SMOC2: variants seen among roughly 807,000 people sequenced by gnomAD.
The protein encoded by SMOC2 is SPARC related modular calcium binding 2, also known as SPARC-related modular calcium-binding protein 2.
SMOC2 carries 39 observed loss-of-function variants against 61.4 expected under a neutral mutation model. The ratio of observed to expected loss-of-function variants is 0.64; its 90% CI spans 0.49 to 0.83. SMOC2 has a LOEUF of 0.83. SMOC2 is among the 40% of genes least tolerant of loss of function. The probability of loss-of-function intolerance (pLI) is 0.00; values close to 1 mark genes in which losing one functional copy is unlikely to be tolerated. For missense variants in SMOC2, 556 were observed against 592.9 expected (o/e 0.94, Z 0.65); for synonymous variants, 247 against 239.9 (o/e 1.03, Z -0.27).
At chr6:168,448,498 G>A (rs1327711322) in intron 1 of SMOC2, among the ~76,000 whole-genome samples, 4 of 150,358 alleles carry the variant, frequency 2.7e-5, no homozygotes, top group African/African-American at 7.4e-5. Flanking sequence ...GGAGGAGGAC[G>A]GGGATGGTGA....
intron 8 of SMOC2, among the ~76,000 whole-genome samples, chr6:168,602,605 G>C (rs1785579610): frequency 6.6e-6 from 1 of 152,188 alleles, no homozygotes; most frequent in Non-Finnish European, 1.5e-5. Context: ...GGCAGGACTA[G>C]GATTAGCCCC....
At chr6:168,484,951 A>G (rs1782295404) in intron 1 of SMOC2, among the ~76,000 whole-genome samples, 2 of 152,138 alleles carry the variant, frequency 1.3e-5, no homozygotes, top group Non-Finnish European at 2.9e-5. Flanking sequence ...GGAAGGGGAA[A>G]TGGGGAGGGA....
intron 1 of SMOC2, among the ~76,000 whole-genome samples, chr6:168,491,313 G>C (rs1782467262): frequency 6.6e-6 from 1 of 152,162 alleles, no homozygotes; most frequent in Non-Finnish European, 1.5e-5. Flanking sequence ...AACTCTCACA[G>C]GTGAAATTTT....
intron 9 of SMOC2, among the ~76,000 whole-genome samples, chr6:168,621,642 C>A (rs1274574413): frequency 6.6e-6 from 1 of 152,158 alleles, no homozygotes; most frequent in African/African-American, 2.4e-5. Flanking sequence ...GAAGGGAAAG[C>A]AAACATGTCC....
chr6:168,520,312 C>A (rs1783298717), intron 2 of SMOC2, among the ~76,000 whole-genome samples: 1 of 152,226 alleles, frequency 6.6e-6, no homozygotes, highest in Non-Finnish European at 1.5e-5. Flanking sequence ...TGTCTGCCTT[C>A]ATTTGATGCC....
intron 9 of SMOC2, among the ~76,000 whole-genome samples, chr6:168,644,162 A>G (rs1786964946): frequency 6.6e-6 from 1 of 152,244 alleles, no homozygotes; most frequent in Admixed American, 6.5e-5. Context: ...GAGTTTTCAA[A>G]TTCAGCAAAT....
intron 7 of SMOC2, among the ~76,000 whole-genome samples, chr6:168,581,067 A>G (rs1359512359): frequency 3.9e-5 from 6 of 152,202 alleles, no homozygotes; most frequent in African/African-American, 7.2e-5. Context: ...CCTGGTTTTT[A>G]TACCAAAAGT....
chr6:168,576,888 G>A (rs1039415950), intron 7 of SMOC2, among the ~76,000 whole-genome samples: 2 of 151,940 alleles, frequency 1.3e-5, no homozygotes, highest in Non-Finnish European at 2.9e-5. Context: ...ACATCTACAC[G>A]CAGGCATTTA....
chr6:168,645,011 T>A (rs150435202), intron 9 of SMOC2, among the ~76,000 whole-genome samples: 1,653 of 152,354 alleles, frequency 0.011, 15 homozygotes, highest in Middle Eastern at 0.024. Flanking sequence ...TTTGCTTTTA[T>A]ATAGTTTGAA....
intron 2 of SMOC2, among the ~76,000 whole-genome samples, chr6:168,511,811 G>GT (rs144317852): frequency 0.23 from 29,481 of 130,460 alleles, 4,166 homozygotes; most frequent in African/African-American, 0.32. Context: ...ATTATCAAGG[G>GT]TTGTTTTTTT....
At chr6:168,625,701 C>G (rs528390500) in intron 9 of SMOC2, among the ~76,000 whole-genome samples, 1 of 152,348 alleles carries the variant, frequency 6.6e-6, no homozygotes, top group Admixed American at 6.5e-5. Context: ...AGCCAAGTGC[C>G]TGTGTCCGTG....
chr6:168,474,919 T>C (rs774181630), intron 1 of SMOC2, among the ~76,000 whole-genome samples: 13 of 152,168 alleles, frequency 8.5e-5, no homozygotes, highest in Non-Finnish European at 1.6e-4. Flanking sequence ...TGGGGATGCA[T>C]TTGTGATTCC....
intron 3 of SMOC2, 23 bp downstream of exon 3, chr6:168,526,475 T>G: frequency 6.3e-7 from 1 of 1,599,216 alleles, no homozygotes; most frequent in Non-Finnish European, 8.6e-7. Flanking sequence ...GCTTGGGAGG[T>G]TCTGCACCTG....
intron 7 of SMOC2, among the ~76,000 whole-genome samples, chr6:168,586,389 G>A (rs1785047669): frequency 6.6e-6 from 1 of 152,086 alleles, no homozygotes; most frequent in Non-Finnish European, 1.5e-5. Flanking sequence ...CTAGATTACT[G>A]GCTTTATAAT....
intron 4 of SMOC2, among the ~76,000 whole-genome samples, chr6:168,530,439 C>T (rs1375827564): frequency 6.6e-6 from 1 of 151,936 alleles, no homozygotes; most frequent in Non-Finnish European, 1.5e-5. Context: ...TGAGACAATC[C>T]AGCAGAAAAA....
chr6:168,442,875 A>C (rs1414103042), intron 1 of SMOC2, among the ~76,000 whole-genome samples: 12 of 152,240 alleles, frequency 7.9e-5, no homozygotes, highest in Admixed American at 7.8e-4. Context: ...CTGGGGCTCC[A>C]AGGAGGTTTT....
intron 9 of SMOC2, among the ~76,000 whole-genome samples, chr6:168,612,404 G>C (rs959081518): frequency 5.8e-5 from 8 of 137,060 alleles, no homozygotes; most frequent in Non-Finnish European, 1.1e-4. Context: ...TCAGGGGAGA[G>C]GGTGACCCCA....
Position 168,626,583 on chromosome 6 carries a change from TCACTGTGGGC to T in SMOC2, c.907+18348_907+18357del, listed in dbSNP as rs1279861352. 4.6e-5 allele frequency among the ~76,000 whole-genome samples: 7 copies of T among 152,204 alleles called. No homozygotes were observed. The South Asian group carries it at 1.5e-3, about 32-fold the overall frequency. On this transcript the variant is annotated intron_variant, in intron 9 of 12. Coordinates refer to ENST00000356284, the MANE Select transcript of SMOC2 (RefSeq NM_001166412.2). ...TGCTACAGCCTGTGTCTCCTCTGCA[TCACTGTGGGC>T]CACAAAAGGCAATGGGCTCTACTCT...
At chr6:168,658,968 G>A (rs1787400335) in intron 11 of SMOC2, among the ~76,000 whole-genome samples, 2 of 150,568 alleles carry the variant, frequency 1.3e-5, no homozygotes, top group Non-Finnish European at 3.0e-5. Flanking sequence ...TGTATATGGT[G>A]TGTGTGTATG....
Sources: allele counts gnomAD v4.1 joint callset (sites outside exome capture counted in the v4.1 genomes callset), GRCh38; gene constraint gnomAD v4.1.1; transcripts MANE v1.5; gene names NCBI Gene and HGNC (gene_info 2026-07-23, HGNC 2026-07-21).